Variants in PLEKHH1 observed in about 807,000 individuals in gnomAD.
The protein encoded by PLEKHH1 is pleckstrin homology, MyTH4 and FERM domain containing H1.
In PLEKHH1, 104 loss-of-function variants were observed where a neutral mutation model predicts 160.0. The observed-to-expected ratio is 0.65, with a 90% confidence interval of 0.55 to 0.76. The LOEUF is 0.76. PLEKHH1 is among the 30% of genes least tolerant of loss of function. PLEKHH1 has a pLI of 0.00. For missense variants in PLEKHH1, 1,427 were observed against 1,724.1 expected (o/e 0.83, Z 3.05); for synonymous variants, 619 against 678.4 (o/e 0.91, Z 1.36).
chr14:67,571,384 G>A (rs1594777080), intron 9 of PLEKHH1: 1 of 205,486 alleles, frequency 4.9e-6, no homozygotes, highest in Non-Finnish European at 1.0e-5. Context: ...CAATGGAGAT[G>A]CAATCATTGA....
At chr14:67,555,978 T>C in intron 3 of PLEKHH1, 91 bp downstream of exon 3, 1 of 1,492,812 alleles carries the variant, frequency 6.7e-7, no homozygotes, top group Non-Finnish European at 9.2e-7. Context: ...GACACATACA[T>C]CACCAGCAGT....
At position 67,535,503 on chromosome 14, in the gene PLEKHH1, C is replaced by T. The variant is rs868628523; in HGVS notation, c.-35+2105C>T. On this transcript the variant is annotated intron_variant, in intron 1 of 28. Transcript: ENST00000329153. ...TCAAGCAGTTCACCTGCCTTAGCCT[C>T]CCAAGTGGCTGGGATTAACAGGCAT... is the stretch of plus-strand genomic sequence containing the variant. Among the ~76,000 whole-genome samples the T allele has an allele frequency of 6.0e-5, 9 of 151,186 alleles. No individual in the cohort carries two copies. The South Asian group carries it at 6.3e-4, about 11-fold the overall frequency.
Position 67,540,600 on chromosome 14 carries a change from T to C in PLEKHH1, c.-34-1234T>C, listed in dbSNP as rs1267652794. ...AAAATTGCACCATTGTACTCCAGTG[T>C]GGCTGACAAAGTGAGACTCTCCCTC... On this transcript the variant is annotated intron_variant, in intron 1 of 28. Transcript: ENST00000329153. 3.3e-5 allele frequency among the ~76,000 whole-genome samples: 5 copies of C among 150,128 alleles called. No homozygotes were observed. The East Asian group carries it at 9.8e-4, about 29-fold the overall frequency.
chr14:67,563,408 T>C (rs1452512430), intron 7 of PLEKHH1, among the ~76,000 whole-genome samples: 1 of 151,928 alleles, frequency 6.6e-6, no homozygotes, highest in Non-Finnish European at 1.5e-5. Context: ...TTTCTTTCTT[T>C]GTTTTTCTTT....
rs2036303566 is a variant in PLEKHH1, at chr14:67,589,552, A to C, written c.*2317A>C. On this transcript the variant is annotated 3_prime_UTR_variant, in exon 29 of 29. Transcript: ENST00000329153. ...GAACCAGGTAACTGTGTGTTTTGGA[A>C]GATCTGTTTATTAACAGTAAATAAA... is the stretch of plus-strand genomic sequence containing the variant. 4.1e-6 allele frequency: 4 copies of C among 985,446 alleles called. No homozygotes were observed. Among genetic ancestry groups the C allele is most frequent in the Non-Finnish European group, 2.4e-6 (2 of 829,930 alleles). The allele number at this position is 985,446 out of a possible 1,614,324, so 61.0% of individuals were successfully genotyped here.
rs1442782085 is a variant in PLEKHH1 at position 67,574,848 on chromosome 14, C to A, written c.2088+445C>A. ...AGAGCAGAGAAGCAGTTGTTAAACC[C>A]AAGAAAATGGAAGTTAACAAGGAAG... On this transcript the variant is annotated intron_variant, in intron 14 of 28. Coordinates refer to ENST00000329153, the MANE Select transcript of PLEKHH1 (RefSeq NM_020715.3). The surrounding 1 kb of genome is among the most constrained non-coding windows in gnomAD (Gnocchi z 4.2). Among the ~76,000 whole-genome samples, 1 of 152,056 alleles carries A rather than the reference C, an allele frequency of 6.6e-6. No homozygotes were observed. Among genetic ancestry groups the A allele is most frequent in the African/African-American group, 2.4e-5 (1 of 41,404 alleles).
Position 67,578,542 on chromosome 14 carries a change from G to A in PLEKHH1, c.2760G>A (p.Gln920=), listed in dbSNP as rs188731260. ...PQKYSLMQCW[Q]LLALCAPLFL... ...GTCTGTGTCCCTGGCAGTGCTGGCA[G>A]CTCCTCGCTCTGTGTGCTCCACTTT... The change falls in exon 20 of 29, where the codon CAG becomes CAA. Residue 920 remains glutamine, a synonymous_variant. Coordinates refer to ENST00000329153, the MANE Select transcript of PLEKHH1 (RefSeq NM_020715.3). This position sits in a 1 kb window ranked among gnomAD's most constrained non-coding sequence, Gnocchi z 5.0. The A allele has an allele frequency of 2.0e-3, 3,263 of 1,608,810 alleles. 1 individual carries two copies. The highest frequency in any genetic ancestry group is 2.6e-3 in the Non-Finnish European group (3,118 of 1,177,606).
rs734028 is a variant in PLEKHH1 at position 67,587,085 on chromosome 14, T to C, written c.3945T>C (p.Ala1315=). The change falls in exon 29 of 29, where the codon GCT becomes GCC. Residue 1315 remains alanine (A), a synonymous_variant. Coordinates refer to ENST00000329153, the MANE Select transcript of PLEKHH1 (RefSeq NM_020715.3). ...FRMAAPKIAE[A]TFIMASYMNH... ...TGACCTCCTCTTAGATTGCAGAAGC[T>C]ACCTTCATCATGGCCAGCTATATGA... 1,041,416 of 1,604,394 alleles carry C rather than the reference T, an allele frequency of 0.65. 344,446 individuals are homozygous for C. The highest frequency in any genetic ancestry group is 0.69 in the South Asian group (62,361 of 90,150).
intron 5 of PLEKHH1, among the ~76,000 whole-genome samples, chr14:67,560,420 A>T (rs538161018): frequency 6.6e-6 from 1 of 152,332 alleles, no homozygotes; most frequent in African/African-American, 2.4e-5. Context: ...CAATTCAGCA[A>T]TTCAGTGGCA....
intron 24 of PLEKHH1, among the ~76,000 whole-genome samples, chr14:67,583,510 C>T (rs776748009): frequency 6.6e-6 from 1 of 152,226 alleles, no homozygotes; most frequent in Non-Finnish European, 1.5e-5. Context: ...CACTTCACCT[C>T]AGCTGCAAAA....
At chr14:67,553,716 G>T (rs1317640528) in intron 2 of PLEKHH1, among the ~76,000 whole-genome samples, 1 of 152,188 alleles carries the variant, frequency 6.6e-6, no homozygotes, top group East Asian at 1.9e-4. Flanking sequence ...ACATAATATT[G>T]ATTTATGCTG....
rs996749224 is a variant in PLEKHH1, at chr14:67,541,988, G to T, written c.121G>T (p.Asp41Tyr). 2 of 1,604,372 alleles carry T rather than the reference G, an allele frequency of 1.2e-6. No individual in the cohort carries two copies. Among genetic ancestry groups the T allele is most frequent in the Non-Finnish European group, 1.7e-6 (2 of 1,175,960 alleles). ...QASKIRELLA[D>Y]KMQELEQRLL... Reference sequence around the variant, plus strand: ...CAGCAAGATAAGGGAGCTGCTGGCTGACAAGGTGAGTCCCTCAGAGCAGGG... The same window carrying T: ...CAGCAAGATAAGGGAGCTGCTGGCTTACAAGGTGAGTCCCTCAGAGCAGGG... Residue 41 changes from aspartate to tyrosine, a missense_variant, in exon 2 of 29, where the codon GAC (aspartate) becomes TAC (tyrosine). Physicochemically the swap from Asp to Tyr is radical, Grantham distance 160 (BLOSUM62 -3). Transcript: ENST00000329153.
chr14:67,575,905 C>T lies in PLEKHH1; in HGVS notation c.2252C>T (p.Ala751Val), dbSNP rs767369042. 5 of 1,613,742 alleles carry T rather than the reference C, an allele frequency of 3.1e-6. No individual in the cohort carries two copies. In the African/African-American group the frequency reaches 4.0e-5, roughly 13 times the overall value. The stretch of plus-strand genomic sequence containing the variant: ...TGTGACTCAGACGAGGACTATGAGG[C>T]TGGAGGAACCAGACGGTTGCTTTCC... ...RSCDSDEDYE[A>V]GGTRRLLSSH... Residue 751 changes from alanine (A) to valine (V), a missense_variant, in exon 16 of 29, where the codon GCT becomes GTT. Ala to Val is a moderately conservative substitution (Grantham distance 64). Transcript: ENST00000329153.
In PLEKHH1 at chr14:67,573,206, T is replaced by TGGAC. The variant is rs969943902; in HGVS notation, c.1729-69_1729-66dup. On this transcript the variant is annotated intron_variant, in intron 11 of 28. Transcript: ENST00000329153. The surrounding 1 kb of genome is among the most constrained non-coding windows in gnomAD (Gnocchi z 4.8). ...CGAGTAGTGAGGCAGCTGGACCACTTGGACCTGTGTGATGTCTAGGAGCCC... is the reference window on the plus strand; with the variant it reads ...CGAGTAGTGAGGCAGCTGGACCACTTGGACGGACCTGTGTGATGTCTAGGAGCCC... The TGGAC allele has an allele frequency of 1.0e-4, 95 of 936,916 alleles. No homozygotes were observed. The highest frequency in any genetic ancestry group is 1.5e-4 in the Non-Finnish European group (85 of 576,602). 58.0% of individuals were successfully genotyped at this position (936,916 alleles called of 1,614,324 possible). A position where few individuals can be genotyped will look rare whatever the true frequency, so the allele number is the denominator to read the frequency against.
At chr14:67,563,731 CTTTT>C (rs71129835) in intron 7 of PLEKHH1, among the ~76,000 whole-genome samples, 1 of 86,830 alleles carries the variant, frequency 1.2e-5, no homozygotes, top group Non-Finnish European at 2.4e-5. Flanking sequence ...CTGAGCCTGG[CTTTT>C]TTTTTTTTTT....
At position 67,578,267 on chromosome 14, in the gene PLEKHH1, G is replaced by A. The variant is rs974669959; in HGVS notation, c.2751+68G>A. The A allele has an allele frequency of 7.0e-7, 1 of 1,432,054 alleles. No individual in the cohort carries two copies. Among genetic ancestry groups the A allele is most frequent in the Non-Finnish European group, 9.7e-7 (1 of 1,027,552 alleles). The allele number at this position is 1,432,054 out of a possible 1,614,324, so 88.7% of individuals were successfully genotyped here. On this transcript the variant is annotated intron_variant, in intron 19 of 28. Coordinates refer to ENST00000329153, the MANE Select transcript of PLEKHH1 (RefSeq NM_020715.3). The surrounding 1 kb of genome is among the most constrained non-coding windows in gnomAD (Gnocchi z 5.0). ...AAGGGCTGCCAGGTGGGAAAGGTGG[G>A]AGGAGGTGACTGGGCAGGTATACGG... is the stretch of plus-strand genomic sequence containing the variant.
Position 67,589,287 on chromosome 14 carries a change from A to C in PLEKHH1, c.*2052A>C, listed in dbSNP as rs1184445792. On this transcript the variant is annotated 3_prime_UTR_variant, in exon 29 of 29. Transcript: ENST00000329153. The stretch of plus-strand genomic sequence containing the variant: ...CTTTAGTTTATTAATCTTATACAGA[A>C]GAAACTAACTTAGAAACAAAGGATT... 1.1e-6 allele frequency: 1 copy of C among 936,292 alleles called. No homozygotes were observed. The highest frequency in any genetic ancestry group is 1.8e-5 in the African/African-American group (1 of 56,254). 58.0% of individuals were successfully genotyped at this position (936,292 alleles called of 1,614,324 possible).
chr14:67,575,699 C>T, intron 15 of PLEKHH1, 124 bp from the exon 16 acceptor site: 1 of 781,574 alleles, frequency 1.3e-6, no homozygotes, highest in Non-Finnish European at 2.1e-6. Context: ...ATAGTCTCCA[C>T]CTCCCCATCC....
At chr14:67,540,937 C>T (rs1220487960) in intron 1 of PLEKHH1, among the ~76,000 whole-genome samples, 1 of 152,092 alleles carries the variant, frequency 6.6e-6, no homozygotes, top group Non-Finnish European at 1.5e-5. Flanking sequence ...GAGTGAATTC[C>T]CCTGGCTGGA....
Sources: allele counts gnomAD v4.1 joint callset (sites outside exome capture counted in the v4.1 genomes callset), GRCh38; gene constraint gnomAD v4.1.1; non-coding constraint Gnocchi (gnomAD v3.1); transcripts MANE v1.5; gene names NCBI Gene and HGNC (gene_info 2026-07-23, HGNC 2026-07-21).